The following STAU2 variants were observed in gnomAD, a reference collection of about 807,000 sequenced individuals.
STAU2 encodes double-stranded RNA-binding protein Staufen homolog 2.
STAU2 carries 20 observed loss-of-function variants against 65.9 expected under a neutral mutation model. The observed-to-expected ratio is 0.30, with a 90% CI of 0.21 to 0.44. The LOEUF (loss-of-function observed/expected upper bound fraction) is 0.44. Ranked by LOEUF, STAU2 falls within the 20% of genes least tolerant of loss-of-function variation. STAU2 has a pLI of 1.00. For missense variants in STAU2, 558 were observed against 683.9 expected (o/e 0.82, Z 2.05); for synonymous variants, 232 against 233.9 (o/e 0.99, Z 0.07).
intron 1 of STAU2, among the ~76,000 whole-genome samples, chr8:73,741,077 G>A (rs377631744): frequency 5.4e-4 from 81 of 150,218 alleles, no homozygotes; most frequent in African/African-American, 1.7e-3. Context: ...AGGCAGAGGC[G>A]GGCGGATCAT....
intron 13 of STAU2, among the ~76,000 whole-genome samples, chr8:73,493,464 T>C (rs1233816041): frequency 1.3e-5 from 2 of 151,774 alleles, no homozygotes; most frequent in Non-Finnish European, 2.9e-5. Flanking sequence ...TAATTTAAAA[T>C]GGATTTAAAT....
intron 6 of STAU2, among the ~76,000 whole-genome samples, chr8:73,622,400 C>G (rs539438389): frequency 6.6e-6 from 1 of 152,110 alleles, no homozygotes; most frequent in Non-Finnish European, 1.5e-5. Flanking sequence ...GCTGAGATTA[C>G]GGGCGTGAGC....
At chr8:73,613,562 T>A (rs188102961) in intron 9 of STAU2, among the ~76,000 whole-genome samples, 182 bp downstream of exon 9, 4 of 152,284 alleles carry the variant, frequency 2.6e-5, no homozygotes, top group African/African-American at 9.6e-5. Context: ...CAAATGCAGG[T>A]GCACAGGTAT....
At chr8:73,699,061 T>G (rs1056672417) in intron 4 of STAU2, among the ~76,000 whole-genome samples, 1 of 151,750 alleles carries the variant, frequency 6.6e-6, no homozygotes, top group Non-Finnish European at 1.5e-5. Flanking sequence ...CACAAACACA[T>G]GAGAATTAAA....
At chr8:73,651,644 C>T in intron 6 of STAU2, 2 of 561,938 alleles carry the variant, frequency 3.6e-6, no homozygotes, top group Non-Finnish European at 6.5e-6. Flanking sequence ...GAACAAGAGG[C>T]CCTGGCCTCT....
intron 9 of STAU2, among the ~76,000 whole-genome samples, chr8:73,606,643 T>C (rs1337165638): frequency 3.3e-5 from 5 of 152,212 alleles, no homozygotes; most frequent in African/African-American, 1.2e-4. Flanking sequence ...GATGAGAATG[T>C]AAAAGTGCAC....
intron 4 of STAU2, among the ~76,000 whole-genome samples, chr8:73,689,049 G>A (rs1200701717): frequency 6.6e-6 from 1 of 152,090 alleles, no homozygotes; most frequent in African/African-American, 2.4e-5. Context: ...TACATTCTGG[G>A]TAGAATAAAT....
chr8:73,436,052 C>T (rs1438921858), intron 13 of STAU2, among the ~76,000 whole-genome samples: 3 of 151,958 alleles, frequency 2.0e-5, no homozygotes, highest in African/African-American at 7.3e-5. Flanking sequence ...TGGGCACAGA[C>T]AGCTCTACTT....
chr8:73,575,099 G>T (rs1809429473), intron 12 of STAU2, among the ~76,000 whole-genome samples: 1 of 142,886 alleles, frequency 7.0e-6, no homozygotes, highest in Admixed American at 7.2e-5. Flanking sequence ...ATGTCATAAA[G>T]GCACACAGAT....
At chr8:73,594,003 G>T (rs896203196) in intron 11 of STAU2, among the ~76,000 whole-genome samples, 1 of 151,992 alleles carries the variant, frequency 6.6e-6, no homozygotes, top group South Asian at 2.1e-4. Flanking sequence ...CTGGTTTTTT[G>T]TTGTGTTTGC....
intron 9 of STAU2, among the ~76,000 whole-genome samples, chr8:73,610,224 T>C (rs1812344109): frequency 6.6e-6 from 1 of 150,384 alleles, no homozygotes; most frequent in South Asian, 2.1e-4. Flanking sequence ...TGCAGTGAGC[T>C]GAGATCCTAC....
Position 73,420,600 on chromosome 8 carries a change from T to G in STAU2, c.*772A>C, listed in dbSNP as rs746710316. On this transcript the variant is annotated 3_prime_UTR_variant, in exon 15 of 15. Coordinates refer to ENST00000524300, the MANE Select transcript of STAU2 (RefSeq NM_001164380.2). ...ACACACGGATGGGGGTGGGCGCGAT[T>G]CCCACAACAGGGAGTGGAATCCGGG... 3 of 179,322 alleles carry G rather than the reference T, an allele frequency of 1.7e-5. No homozygotes were observed. Among genetic ancestry groups the G allele is most frequent in the Non-Finnish European group, 2.4e-5 (2 of 83,070 alleles). The allele number at this position is 179,322 out of a possible 1,614,324, so 11.1% of individuals were successfully genotyped here. A position where few individuals can be genotyped will look rare whatever the true frequency, so the allele number is the denominator to read the frequency against.
intron 12 of STAU2, among the ~76,000 whole-genome samples, chr8:73,570,476 G>T (rs1255333384): frequency 1.3e-5 from 2 of 152,176 alleles, no homozygotes; most frequent in Non-Finnish European, 2.9e-5. Context: ...ACGTCTGACT[G>T]GTGTACCTGA....
chr8:73,469,583 TCACAAC>T lies in STAU2; in HGVS notation c.1531-46887_1531-46882del, dbSNP rs201101164. ...ATTCGGCAAAAGAGAGGTCACTGAA[TCACAAC>T]CACTTCTTGTTGTCTCTAAAGAAGA... On this transcript the variant is annotated intron_variant, in intron 13 of 14. Transcript: ENST00000524300. 5.5e-3 allele frequency among the ~76,000 whole-genome samples: 835 copies of T among 151,994 alleles called. 5 individuals carry two copies. The highest frequency in any genetic ancestry group is 0.02 in the African/African-American group (810 of 41,434).
Position 73,607,016 on chromosome 8 carries a change from G to A in STAU2, c.892-3153C>T, listed in dbSNP as rs1250824830. Among the ~76,000 whole-genome samples, 10 of 152,194 alleles carry A rather than the reference G, an allele frequency of 6.6e-5. No individual in the cohort carries two copies. The East Asian group carries it at 1.7e-3, about 26-fold the overall frequency. ...GCAAATTAAGGTAGAAGATTACAAAGGGGCATAAGGAAAATTCTGGGAGGA... is the reference window on the plus strand; with the variant it reads ...GCAAATTAAGGTAGAAGATTACAAAAGGGCATAAGGAAAATTCTGGGAGGA... On this transcript the variant is annotated intron_variant, in intron 9 of 14. Coordinates refer to ENST00000524300, the MANE Select transcript of STAU2 (RefSeq NM_001164380.2).
chr8:73,683,945 G>A (rs946019991), intron 5 of STAU2, among the ~76,000 whole-genome samples: 1 of 152,124 alleles, frequency 6.6e-6, no homozygotes, highest in Non-Finnish European at 1.5e-5. Flanking sequence ...AAACACTGCT[G>A]AAAGAAATCA....
intron 3 of STAU2, among the ~76,000 whole-genome samples, chr8:73,716,274 G>A (rs565920921): frequency 7.2e-5 from 11 of 152,198 alleles, no homozygotes; most frequent in African/African-American, 2.6e-4. Flanking sequence ...ATTTTTAGTA[G>A]AGACGGGGTT....
chr8:73,651,284 C>T, intron 6 of STAU2: 2 of 665,144 alleles, frequency 3.0e-6, no homozygotes, highest in South Asian at 3.2e-5. Flanking sequence ...TGGCGGGCCC[C>T]ACTGTGTCCA....
chr8:73,434,362 T>C (rs1418345467), intron 13 of STAU2, among the ~76,000 whole-genome samples: 1 of 151,814 alleles, frequency 6.6e-6, no homozygotes. Flanking sequence ...CTGTCTGACT[T>C]CTGGCCTACA....
Sources: allele counts gnomAD v4.1 joint callset (sites outside exome capture counted in the v4.1 genomes callset), GRCh38; gene constraint gnomAD v4.1.1; transcripts MANE v1.5; gene names NCBI Gene and HGNC (gene_info 2026-07-23, HGNC 2026-07-21).